ADAMTS3: variants seen among roughly 807,000 people sequenced by gnomAD.
ADAMTS3 encodes ADAM metallopeptidase with thrombospondin type 1 motif 3, also known as A disintegrin and metalloproteinase with thrombospondin motifs 3.
In ADAMTS3, 73 loss-of-function variants were observed where a neutral mutation model predicts 129.0. The observed-to-expected ratio is 0.57, with a 90% CI of 0.47 to 0.69. ADAMTS3 has a LOEUF of 0.69. Among genes scored for constraint, ADAMTS3 ranks in the 30% least tolerant of loss-of-function variants. The pLI is 0.00. For missense variants in ADAMTS3, 1,457 were observed against 1,514.5 expected (o/e 0.96, Z 0.63); for synonymous variants, 477 against 510.8 (o/e 0.93, Z 0.89).
intron 3 of ADAMTS3, among the ~76,000 whole-genome samples, chr4:72,522,908 G>T (rs926212187): frequency 4.6e-5 from 7 of 151,986 alleles, no homozygotes; most frequent in Admixed American, 4.6e-4. Flanking sequence ...TTCTTAACAC[G>T]AGCAAGTGTT....
chr4:72,348,663 A>T (rs1378270623), intron 4 of ADAMTS3, among the ~76,000 whole-genome samples: 1 of 152,034 alleles, frequency 6.6e-6, no homozygotes, highest in Non-Finnish European at 1.5e-5. Flanking sequence ...AGACATTAAA[A>T]GCAGAGAGCT....
intron 7 of ADAMTS3, 69 bp downstream of exon 7, chr4:72,320,645 T>C: frequency 6.6e-7 from 1 of 1,504,882 alleles, no homozygotes; most frequent in African/African-American, 1.4e-5. Flanking sequence ...TTGAACAGAC[T>C]GCCTGATTTA....
At chr4:72,303,355 G>A (rs1483503617) in intron 17 of ADAMTS3, among the ~76,000 whole-genome samples, 4 of 151,872 alleles carry the variant, frequency 2.6e-5, no homozygotes, top group African/African-American at 7.3e-5. Context: ...CTTGGAACTC[G>A]CTGCAAGATC....
At position 72,291,067 on chromosome 4, in the gene ADAMTS3, G is replaced by A. The variant is rs1251061078; in HGVS notation, c.2724-5C>T. 6.2e-7 allele frequency: 1 copy of A among 1,613,720 alleles called. No homozygotes were observed. The highest frequency in any genetic ancestry group is 1.7e-5 in the Admixed American group (1 of 60,000). ...TCCCATTCTTCTGCTACCCAGCTGT[G>A]GGTGCGGGGATTTAATATTGCAATT... On this transcript the variant is annotated splice_region_variant and splice_polypyrimidine_tract_variant and intron_variant, in intron 19 of 21. Coordinates refer to ENST00000286657, the MANE Select transcript of ADAMTS3 (RefSeq NM_014243.3).
intron 4 of ADAMTS3, among the ~76,000 whole-genome samples, chr4:72,391,097 G>C (rs1000537727): frequency 2.0e-5 from 3 of 152,072 alleles, no homozygotes; most frequent in African/African-American, 7.2e-5. Flanking sequence ...TTAGTTACGG[G>C]TAACATCACT....
In ADAMTS3 at chr4:72,517,514, G is replaced by T. The variant is rs1286625231; in HGVS notation, c.504+30964C>A. ...TATTGATTATTGCCACAATTTCAGA[G>T]CCTGTTATTGGTCTATTCAGAGATT... is the stretch of plus-strand genomic sequence containing the variant. On this transcript the variant is annotated intron_variant, in intron 3 of 21. Coordinates refer to ENST00000286657, the MANE Select transcript of ADAMTS3 (RefSeq NM_014243.3). 3.9e-5 allele frequency among the ~76,000 whole-genome samples: 6 copies of T among 152,108 alleles called. No homozygotes were observed. In the East Asian group the frequency reaches 7.7e-4, roughly 20 times the overall value.
rs745533298 is a variant in ADAMTS3 at position 72,313,699 on chromosome 4, T to C, written c.1723A>G (p.Thr575Ala). ...RTCGTGVRFR[T>A]RQCNNPMPIN... ...CACATGGGATTATTGCACTGGCGTG[T>C]TCTGAAACGAACACCAGTTCCACAT... is the stretch of plus-strand genomic sequence containing the variant. The change falls in exon 12 of 22, where the codon ACA becomes GCA. Residue 575 changes from threonine (T) to alanine (A), a missense_variant. Thr to Ala is a moderately conservative substitution (Grantham distance 58, BLOSUM62 0). Transcript: ENST00000286657. 6.2e-7 allele frequency: 1 copy of C among 1,613,692 alleles called. No homozygotes were observed. Among genetic ancestry groups the C allele is most frequent in the South Asian group, 1.1e-5 (1 of 91,082 alleles).
At chr4:72,479,232 C>T (rs956946659) in intron 3 of ADAMTS3, among the ~76,000 whole-genome samples, 1 of 152,144 alleles carries the variant, frequency 6.6e-6, no homozygotes, top group Non-Finnish European at 1.5e-5. Flanking sequence ...GCCCGCATTG[C>T]CAAGTCAATC....
chr4:72,343,693 A>G (rs1443406236), intron 4 of ADAMTS3, among the ~76,000 whole-genome samples: 1 of 152,148 alleles, frequency 6.6e-6, no homozygotes, highest in African/African-American at 2.4e-5. Flanking sequence ...GAATTAGCAG[A>G]AAAAAAGGAA....
At chr4:72,389,883 T>C (rs891825091) in intron 4 of ADAMTS3, among the ~76,000 whole-genome samples, 12 of 152,150 alleles carry the variant, frequency 7.9e-5, no homozygotes, top group Admixed American at 1.3e-4. Flanking sequence ...ACAATAGTTG[T>C]TTAGCTTACA....
chr4:72,327,927 A>T (rs896668797), intron 5 of ADAMTS3, among the ~76,000 whole-genome samples: 1 of 152,236 alleles, frequency 6.6e-6, no homozygotes. Flanking sequence ...TATTCCAGAA[A>T]ATATTGAGAA....
At chr4:72,303,626 T>C (rs1466214143) in intron 17 of ADAMTS3, among the ~76,000 whole-genome samples, 2 of 151,772 alleles carry the variant, frequency 1.3e-5, no homozygotes, top group Non-Finnish European at 2.9e-5. Context: ...AAATGGTAAA[T>C]ATGTGGGTAA....
At chr4:72,559,435 T>C (rs1045847828) in intron 2 of ADAMTS3, among the ~76,000 whole-genome samples, 2 of 151,756 alleles carry the variant, frequency 1.3e-5, no homozygotes, top group Admixed American at 6.5e-5. Context: ...AATTAAACAA[T>C]ACTACACTGA....
At chr4:72,527,153 T>G (rs1173346752) in intron 3 of ADAMTS3, among the ~76,000 whole-genome samples, 1 of 152,104 alleles carries the variant, frequency 6.6e-6, no homozygotes, top group East Asian at 1.9e-4. Flanking sequence ...CAGACAGCCC[T>G]GACAATCTGA....
intron 3 of ADAMTS3, among the ~76,000 whole-genome samples, chr4:72,448,270 G>A (rs190353189): frequency 9.9e-5 from 15 of 151,890 alleles, no homozygotes; most frequent in Middle Eastern, 3.4e-3. Flanking sequence ...GCTGGGAAGC[G>A]AGCAAGCATC....
At chr4:72,400,421 A>C (rs1578647909) in intron 4 of ADAMTS3, among the ~76,000 whole-genome samples, 1 of 57,764 alleles carries the variant, frequency 1.7e-5, no homozygotes, top group African/African-American at 7.5e-5. Context: ...GTGTATATAT[A>C]CGTGTGCATA....
chr4:72,442,062 C>A (rs1718132372), intron 3 of ADAMTS3: 1 of 151,794 alleles, frequency 6.6e-6, no homozygotes, highest in Admixed American at 6.6e-5. Context: ...TGAAGACTAG[C>A]TGGACAGATC....
Position 72,416,775 on chromosome 4 carries a change from T to C in ADAMTS3, c.505-1804A>G, listed in dbSNP as rs549516563. 2.0e-3 allele frequency among the ~76,000 whole-genome samples: 308 copies of C among 152,322 alleles called. 3 individuals carry two copies. The highest frequency in any genetic ancestry group is 7.2e-3 in the African/African-American group (299 of 41,564). On this transcript the variant is annotated intron_variant, in intron 3 of 21. Coordinates refer to ENST00000286657, the MANE Select transcript of ADAMTS3 (RefSeq NM_014243.3). ...AATTTTAATTTTAATCTATTCTATATTATGGTCATATTATTTTATCTCCTA... is the reference window on the plus strand; with the variant it reads ...AATTTTAATTTTAATCTATTCTATACTATGGTCATATTATTTTATCTCCTA...
At chr4:72,518,144 G>A (rs539862910) in intron 3 of ADAMTS3, among the ~76,000 whole-genome samples, 2 of 152,126 alleles carry the variant, frequency 1.3e-5, no homozygotes, top group Non-Finnish European at 2.9e-5. Context: ...TAGTTGAGCG[G>A]TTTTGAGTGA....
Sources: allele counts gnomAD v4.1 joint callset (sites outside exome capture counted in the v4.1 genomes callset), GRCh38; gene constraint gnomAD v4.1.1; transcripts MANE v1.5; gene names NCBI Gene and HGNC (gene_info 2026-07-23, HGNC 2026-07-21).